Variants in FADS6 observed in about 807,000 individuals in gnomAD.
FADS6 encodes the protein fatty acid desaturase domain family, member 6.
A neutral mutation model predicts 31.7 loss-of-function variants in FADS6; 28 were observed. That is an observed-to-expected ratio of 0.88 (90% CI 0.66 to 1.21). FADS6 has a LOEUF of 1.21. Among genes scored for constraint, FADS6 ranks in the 50% most tolerant of loss-of-function variants. The pLI, the probability that FADS6 is intolerant of heterozygous loss-of-function variation, is 0.00. For synonymous variants in FADS6, 191 were observed against 213.1 expected (o/e 0.90, Z 0.90); for missense variants, 494 against 504.2 (o/e 0.98, Z 0.19).
At chr17:74,876,993 G>A (rs1171223625), downstream of FADS6, among the ~76,000 whole-genome samples, 1 of 152,028 alleles carries the variant, frequency 6.6e-6, no homozygotes, top group Non-Finnish European at 1.5e-5. Flanking sequence ...GTGTCCCCCA[G>A]CACCTTGGTC....
intron 4 of FADS6, 115 bp from the exon 5 acceptor site, chr17:74,879,698 G>A: frequency 8.9e-7 from 1 of 1,122,220 alleles, no homozygotes; most frequent in Non-Finnish European, 1.2e-6. Flanking sequence ...CCCATGTGGG[G>A]GGACCTGGTA....
rs1417907644 is a variant in FADS6, at chr17:74,893,607, G to C, written c.-12C>G. The C allele has an allele frequency of 3.7e-6, 5 of 1,348,206 alleles. No homozygotes were observed. In the African/African-American group the frequency reaches 4.6e-5, roughly 12 times the overall value. 83.5% of individuals were successfully genotyped at this position (1,348,206 alleles called of 1,614,324 possible). A position where few individuals can be genotyped will look rare whatever the true frequency, so the allele number is the denominator to read the frequency against. ...TCCGTGGGTTCCATGGACTCTGTGG[G>C]CTCGGGCCCGACGCGCACGGAGGAC... On this transcript the variant is annotated 5_prime_UTR_variant, in exon 1 of 6. Coordinates refer to ENST00000612771, the MANE Select transcript of FADS6 (RefSeq NM_178128.6).
chr17:74,893,225 G>A lies in FADS6; in HGVS notation c.244+127C>T, dbSNP rs2038711567. On this transcript the variant is annotated intron_variant, in intron 1 of 5. Transcript: ENST00000612771. ...GGGCCCCGACCACCTCCGCCTCCCT[G>A]CCGCCGCCAGTCCACTCCGCAGGCT... The A allele has an allele frequency of 2.7e-6, 3 of 1,115,288 alleles. No homozygotes were observed. The South Asian group carries it at 5.2e-5, about 19-fold the overall frequency. 69.1% of individuals were successfully genotyped at this position (1,115,288 alleles called of 1,614,324 possible).
At chr17:74,875,341 T>C (rs2038501347), downstream of FADS6, among the ~76,000 whole-genome samples, 1 of 152,220 alleles carries the variant, frequency 6.6e-6, no homozygotes, top group African/African-American at 2.4e-5. Context: ...CATCCATATG[T>C]ATTATGACCT....
At position 74,882,636 on chromosome 17, in the gene FADS6, C is replaced by T. The variant is rs2038583540; in HGVS notation, c.486G>A (p.Val162=). 1.2e-6 allele frequency: 2 copies of T among 1,611,502 alleles called. No homozygotes were observed. The highest frequency in any genetic ancestry group is 2.2e-5 in the East Asian group (1 of 44,824). Residue 162 remains valine, a synonymous_variant, in exon 3 of 6, where the codon GTG becomes GTA. Transcript: ENST00000612771. ...TCCACGTGCTGGAGTCCCCCAGGCC[C>T]ACCACGTTGGTGTAGGCATGGTGCA... is the stretch of plus-strand genomic sequence containing the variant. ...VKMHHAYTNV[V]GLGDSSTWRL...
Position 74,879,502 on chromosome 17 carries a change from G to A in FADS6, c.862C>T (p.Arg288Trp), listed in dbSNP as rs772500069. The stretch of plus-strand genomic sequence containing the variant: ...AACGCCCAGTCCAGCACGGGCAGCC[G>A]GGCCAGGTTAAGCACCCCCAGGCTC... ...MMSLGVLNLA[R>W]LPVLDWAFGH... is the part of the protein sequence containing the mutation. Residue 288 changes from arginine to tryptophan, a missense_variant, in exon 5 of 6, where the codon CGG becomes TGG. By Grantham distance (101) the Arg-to-Trp change is moderately radical. Transcript: ENST00000612771. 25 of 1,613,732 alleles carry A rather than the reference G, an allele frequency of 1.5e-5. No individual in the cohort carries two copies. The highest frequency in any genetic ancestry group is 5.5e-5 in the South Asian group (5 of 91,086).
chr17:74,882,376 C>T (rs569385386), intron 3 of FADS6, among the ~76,000 whole-genome samples, 154 bp downstream of exon 3: 14 of 152,376 alleles, frequency 9.2e-5, no homozygotes, highest in South Asian at 4.1e-4. Flanking sequence ...GACTCAGCTC[C>T]AGGTCTGAGG....
At chr17:74,883,382 G>A (rs974995908) in intron 2 of FADS6, among the ~76,000 whole-genome samples, 1 of 152,208 alleles carries the variant, frequency 6.6e-6, no homozygotes, top group African/African-American at 2.4e-5. Context: ...GCAGATACAT[G>A]CAAATGGTAT....
At chr17:74,893,225 G>T in intron 1 of FADS6, 127 bp downstream of exon 1, 1 of 1,115,406 alleles carries the variant, frequency 9.0e-7, no homozygotes, top group Non-Finnish European at 1.2e-6. Context: ...CCGCCTCCCT[G>T]CCGCCGCCAG....
In FADS6 at chr17:74,879,325, G is replaced by T. The variant is rs531255213; in HGVS notation, c.960+79C>A. ...GTGCCAGGATTATAGTGTGAGCAAC[G>T]CCCCCAGGCCGAAGAATCTTCCTTT... On this transcript the variant is annotated intron_variant, in intron 5 of 5. Coordinates refer to ENST00000612771, the MANE Select transcript of FADS6 (RefSeq NM_178128.6). 5.4e-5 allele frequency: 82 copies of T among 1,527,774 alleles called. 1 individual carries two copies. The East Asian group carries it at 1.4e-3, about 25-fold the overall frequency. 94.6% of individuals were successfully genotyped at this position (1,527,774 alleles called of 1,614,324 possible).
intron 2 of FADS6, among the ~76,000 whole-genome samples, chr17:74,887,862 T>C (rs1397373048): frequency 2.6e-5 from 4 of 152,168 alleles, no homozygotes; most frequent in Non-Finnish European, 5.9e-5. Flanking sequence ...CCTTTTTTCA[T>C]ATTTTAGTAC....
At position 74,892,798 on chromosome 17, in the gene FADS6, G is replaced by A. The variant is rs1009478997; in HGVS notation, c.245-109C>T. The A allele has an allele frequency of 7.4e-5, 84 of 1,141,412 alleles. No homozygotes were observed. In the East Asian group the frequency reaches 1.8e-3, roughly 24 times the overall value. The allele number at this position is 1,141,412 out of a possible 1,614,324, so 70.7% of individuals were successfully genotyped here. On this transcript the variant is annotated intron_variant, in intron 1 of 5. Transcript: ENST00000612771. ...CCCAGGCTAAAGTGGGCTAGGCTCT[G>A]GGGGCTGCCACTGGCCGGAGTGAGG... is the stretch of plus-strand genomic sequence containing the variant.
rs537752819 is a variant in FADS6 at position 74,878,324 on chromosome 17, G to A, written c.*7C>T. ...AGGGGCAGGGTGGCTGCACCGGCCC[G>A]GCCTCATTACAGCCCCACAAGCTCA... On this transcript the variant is annotated 3_prime_UTR_variant, in exon 6 of 6. Coordinates refer to ENST00000612771, the MANE Select transcript of FADS6 (RefSeq NM_178128.6). 78 of 1,611,650 alleles carry A rather than the reference G, an allele frequency of 4.8e-5. No homozygotes were observed. The East Asian group carries it at 5.1e-4, about 11-fold the overall frequency.
In FADS6 at chr17:74,893,617, G is replaced by A; in HGVS notation, c.-22C>T. On this transcript the variant is annotated 5_prime_UTR_variant, in exon 1 of 6. Transcript: ENST00000612771. Reference sequence around the variant, plus strand: ...CCATGGACTCTGTGGGCTCGGGCCCGACGCGCACGGAGGACTGGAGGACTG... The same window carrying A: ...CCATGGACTCTGTGGGCTCGGGCCCAACGCGCACGGAGGACTGGAGGACTG... 2 of 1,278,056 alleles carry A rather than the reference G, an allele frequency of 1.6e-6. No homozygotes were observed. Among genetic ancestry groups the A allele is most frequent in the Middle Eastern group, 2.0e-4 (1 of 4,950 alleles). The allele number at this position is 1,278,056 out of a possible 1,614,324, so 79.2% of individuals were successfully genotyped here.
At chr17:74,879,347 C>T (rs2038541650) in intron 5 of FADS6, 57 bp downstream of exon 5, 2 of 1,576,372 alleles carry the variant, frequency 1.3e-6, no homozygotes, top group South Asian at 1.2e-5. Flanking sequence ...AAGAATCTTC[C>T]TTTCCATCCT....
At chr17:74,878,553 G>A (rs1598552100) in intron 5 of FADS6, 76 bp from the exon 6 acceptor site, 4 of 1,540,042 alleles carry the variant, frequency 2.6e-6, no homozygotes, top group Non-Finnish European at 3.5e-6. Context: ...GGGGAGGGAG[G>A]GACATCATCT....
chr17:74,886,877 C>T (rs1184518693), intron 2 of FADS6, among the ~76,000 whole-genome samples: 1 of 152,110 alleles, frequency 6.6e-6, no homozygotes, highest in Non-Finnish European at 1.5e-5. Context: ...TTGGCCAACT[C>T]TGTCCTGATA....
chr17:74,882,774 CT>C, intron 2 of FADS6, 64 bp from the exon 3 acceptor site: 1 of 1,553,754 alleles, frequency 6.4e-7, no homozygotes, highest in Non-Finnish European at 8.7e-7. Context: ...AATGCAGGAC[CT>C]TTGAGAGCCC....
intron 2 of FADS6, among the ~76,000 whole-genome samples, chr17:74,884,094 C>CA (rs773713609): frequency 6.6e-6 from 1 of 152,186 alleles, no homozygotes; most frequent in Non-Finnish European, 1.5e-5. Context: ...AGAATGCCAT[C>CA]AGCCCCATTT....
Sources: allele counts gnomAD v4.1 joint callset (sites outside exome capture counted in the v4.1 genomes callset), GRCh38; gene constraint gnomAD v4.1.1; transcripts MANE v1.5; gene names NCBI Gene and HGNC (gene_info 2026-07-23, HGNC 2026-07-21).